The following SLC20A2 variants were observed in gnomAD, a reference collection of about 807,000 sequenced individuals.
SLC20A2 encodes the protein sodium-dependent phosphate transporter 2.
SLC20A2 carries 30 observed loss-of-function variants against 61.0 expected under a neutral mutation model. That is an observed-to-expected ratio of 0.49 (90% confidence interval 0.37 to 0.67). SLC20A2 has a LOEUF of 0.67. Among genes scored for constraint, SLC20A2 ranks in the 30% least tolerant of loss-of-function variants. The pLI, the probability that SLC20A2 is intolerant of heterozygous loss-of-function variation, is 0.00. For synonymous variants in SLC20A2, 351 were observed against 353.3 expected, an observed-to-expected ratio of 0.99 and a Z score of 0.07; for missense variants, 626 against 866.4, an observed-to-expected ratio of 0.72 and a Z score of 3.48.
chr8:42,517,894 G>A (rs1375671269), intron 1 of SLC20A2, among the ~76,000 whole-genome samples: 1 of 152,168 alleles, frequency 6.6e-6, no homozygotes, highest in African/African-American at 2.4e-5. Flanking sequence ...CCCTAAGGTT[G>A]TATGTACAAA....
chr8:42,464,918 T>C (rs1175107270), intron 3 of SLC20A2, among the ~76,000 whole-genome samples: 1 of 152,032 alleles, frequency 6.6e-6, no homozygotes, highest in African/African-American at 2.4e-5. Flanking sequence ...GAGGTTGCAG[T>C]GAGCCGAGAT....
chr8:42,422,080 TCTTGCTCTGTC>T (rs1406229346), intron 10 of SLC20A2, among the ~76,000 whole-genome samples: 1 of 152,014 alleles, frequency 6.6e-6, no homozygotes, highest in Non-Finnish European at 1.5e-5. Flanking sequence ...TGAGATAGAG[TCTTGCTCTGTC>T]GCCCAGGCTG....
chr8:42,480,907 C>T (rs1420899702), intron 1 of SLC20A2, among the ~76,000 whole-genome samples: 1 of 152,138 alleles, frequency 6.6e-6, no homozygotes, highest in Non-Finnish European at 1.5e-5. Flanking sequence ...CTGATTCTCC[C>T]GCCTCAGCCT....
At chr8:42,502,894 G>A (rs1390210771), upstream of SLC20A2, among the ~76,000 whole-genome samples, 1 of 152,208 alleles carries the variant, frequency 6.6e-6, no homozygotes, top group African/African-American at 2.4e-5. Flanking sequence ...ATCCTATTAT[G>A]TCATAGTTCA....
chr8:42,518,232 G>A (rs368628628), intron 1 of SLC20A2, among the ~76,000 whole-genome samples: 23 of 152,226 alleles, frequency 1.5e-4, no homozygotes, highest in East Asian at 1.4e-3. Context: ...GAGCCACCAC[G>A]CCCAGACAAC....
intron 1 of SLC20A2, among the ~76,000 whole-genome samples, chr8:42,489,486 T>C (rs1306798246): frequency 6.7e-6 from 1 of 148,922 alleles, no homozygotes; most frequent in African/African-American, 2.5e-5. Flanking sequence ...TTACATGTCT[T>C]ATAATTTTTC....
At chr8:42,532,266 G>T (rs958818500) in intron 1 of SLC20A2, among the ~76,000 whole-genome samples, 6 of 152,106 alleles carry the variant, frequency 3.9e-5, no homozygotes, top group Admixed American at 3.9e-4. Context: ...TCTAAAAAAT[G>T]TTAAGGCTTA....
intron 1 of SLC20A2, chr8:42,484,651 A>T (rs1484856810): frequency 9.3e-6 from 3 of 323,696 alleles, no homozygotes; most frequent in Non-Finnish European, 1.8e-5. Flanking sequence ...AATGGGGTGC[A>T]GCCCCATGGT....
At chr8:42,505,662 T>C (rs147462426), upstream of SLC20A2, among the ~76,000 whole-genome samples, 2,504 of 152,174 alleles carry the variant, frequency 0.016, 85 homozygotes, top group African/African-American at 0.057. Flanking sequence ...CTATTTAAGG[T>C]TGAGGCAGGA....
intron 2 of SLC20A2, among the ~76,000 whole-genome samples, chr8:42,470,274 G>A (rs1160632447): frequency 1.3e-5 from 2 of 148,878 alleles, no homozygotes; most frequent in East Asian, 4.0e-4. Flanking sequence ...CTGGAGTGCA[G>A]TGGCACAATC....
At chr8:42,525,339 T>C (rs1811851123) in intron 1 of SLC20A2, among the ~76,000 whole-genome samples, 1 of 152,146 alleles carries the variant, frequency 6.6e-6, no homozygotes, top group Non-Finnish European at 1.5e-5. Flanking sequence ...CCCAGCACTT[T>C]GGGAGACCGA....
At chr8:42,539,123 TAAGTA>T (rs1466670024) in intron 1 of SLC20A2, among the ~76,000 whole-genome samples, 1 of 152,218 alleles carries the variant, frequency 6.6e-6, no homozygotes, top group Non-Finnish European at 1.5e-5. Flanking sequence ...AAAATGCCTT[TAAGTA>T]AAGAAACCCT....
intron 5 of SLC20A2, among the ~76,000 whole-genome samples, chr8:42,455,291 G>C (rs1266670003): frequency 2.1e-5 from 3 of 140,086 alleles, no homozygotes; most frequent in Non-Finnish European, 3.1e-5. Context: ...GAGAGAGAGA[G>C]AGCGTGCGCA....
At chr8:42,471,645 A>G (rs1319992917) in intron 2 of SLC20A2, among the ~76,000 whole-genome samples, 1 of 152,240 alleles carries the variant, frequency 6.6e-6, no homozygotes, top group African/African-American at 2.4e-5. Flanking sequence ...AAGTTAGACT[A>G]ATAAATATTA....
intron 1 of SLC20A2, among the ~76,000 whole-genome samples, chr8:42,506,442 C>G (rs1810715347): frequency 6.6e-6 from 1 of 152,164 alleles, no homozygotes; most frequent in Non-Finnish European, 1.5e-5. Context: ...CACAGGCACA[C>G]AAAGAGTCTC....
At position 42,515,517 on chromosome 8, in the gene SLC20A2, C is replaced by T. The variant is rs553009919; in HGVS notation, c.-265+26304G>A. 2.6e-5 allele frequency among the ~76,000 whole-genome samples: 4 copies of T among 152,248 alleles called. No individual in the cohort carries two copies. In the South Asian group the frequency reaches 6.2e-4, roughly 24 times the overall value. On this transcript the variant is annotated intron_variant, in intron 1 of 10. Coordinates refer to the SLC20A2 transcript ENST00000342228. ...GTGCCGGCGCTGTGCTGAGTGCTTA[C>T]TCACAATGGCAAAAGTCTATCACTA...
chr8:42,525,457 C>T (rs979302157), intron 1 of SLC20A2, among the ~76,000 whole-genome samples: 1 of 151,670 alleles, frequency 6.6e-6, no homozygotes, highest in African/African-American at 2.4e-5. Context: ...TGGAGAGCAC[C>T]TGTAATCCCA....
intron 1 of SLC20A2, among the ~76,000 whole-genome samples, chr8:42,532,424 CTT>C (rs1418426094): frequency 2.0e-5 from 3 of 152,140 alleles, no homozygotes; most frequent in Admixed American, 6.5e-5. Flanking sequence ...GTCACAAACT[CTT>C]AAATAAAGGG....
At chr8:42,429,154 G>A (rs1233255583) in intron 9 of SLC20A2, among the ~76,000 whole-genome samples, 1 of 152,054 alleles carries the variant, frequency 6.6e-6, no homozygotes, top group Admixed American at 6.6e-5. Context: ...AAAACGCAAA[G>A]GAAAAACTAT....
Sources: allele counts gnomAD v4.1 joint callset (sites outside exome capture counted in the v4.1 genomes callset), GRCh38; gene constraint gnomAD v4.1.1; transcripts MANE v1.5; gene names NCBI Gene and HGNC (gene_info 2026-07-23, HGNC 2026-07-21).